CA12: variants seen among roughly 807,000 people sequenced by gnomAD.
The protein encoded by CA12 is carbonate dehydratase XII.
A neutral mutation model predicts 46.8 loss-of-function variants in CA12; 36 were observed. The observed-to-expected ratio is 0.77, with a 90% CI of 0.59 to 1.02. The LOEUF (loss-of-function observed/expected upper bound fraction) is 1.02, where lower values mean the gene tolerates loss of function less well. CA12 is among the 50% of genes least tolerant of loss of function. The pLI, the probability that CA12 is intolerant of heterozygous loss-of-function variation, is 0.00. For synonymous variants in CA12, 202 were observed against 187.0 expected (o/e 1.08, Z -0.65); for missense variants, 436 against 451.4 (o/e 0.97, Z 0.31).
chr15:63,339,361 A>C lies in CA12; in HGVS notation c.748-416T>G, dbSNP rs2039045997. On this transcript the variant is annotated intron_variant, in intron 7 of 10. Transcript: ENST00000178638. This position sits in a 1 kb window ranked among gnomAD's most constrained non-coding sequence, Gnocchi z 4.3. ...TGTTCTGATGGTCATATCAGAAGGA[A>C]TAAAGGAGGGAGTTAAGAGTTTCAC... 6.6e-6 allele frequency among the ~76,000 whole-genome samples: 1 copy of C among 152,158 alleles called. No individual in the cohort carries two copies. The highest frequency in any genetic ancestry group is 1.5e-5 in the Non-Finnish European group (1 of 68,030).
intron 2 of CA12, among the ~76,000 whole-genome samples, chr15:63,369,405 G>T (rs2039473472): frequency 6.6e-6 from 1 of 152,214 alleles, no homozygotes; most frequent in Admixed American, 6.5e-5. Context: ...CTTTGTATGT[G>T]CTAGGCCCTG....
At chr15:63,368,062 G>A (rs2039457723) in intron 2 of CA12, among the ~76,000 whole-genome samples, 1 of 152,186 alleles carries the variant, frequency 6.6e-6, no homozygotes, top group African/African-American at 2.4e-5. Context: ...ACTGTTTTCA[G>A]TATTGTTGAA....
At chr15:63,332,346 C>G (rs967979177) in intron 8 of CA12, among the ~76,000 whole-genome samples, 1 of 152,192 alleles carries the variant, frequency 6.6e-6, no homozygotes, top group Non-Finnish European at 1.5e-5. Flanking sequence ...AATCTGCCAA[C>G]AAGATAGTAC....
intron 4 of CA12, among the ~76,000 whole-genome samples, chr15:63,343,994 T>A (rs968250425): frequency 6.6e-6 from 1 of 152,234 alleles, no homozygotes; most frequent in African/African-American, 2.4e-5. Flanking sequence ...ACAGTTCTGT[T>A]GAATTTCACC....
chr15:63,375,472 T>C, intron 2 of CA12, 186 bp downstream of exon 2: 1 of 557,494 alleles, frequency 1.8e-6, no homozygotes, highest in East Asian at 3.1e-5. Context: ...TTGGAGAAAG[T>C]GCAGTATGCA....
chr15:63,349,254 T>C (rs534670575), intron 2 of CA12, among the ~76,000 whole-genome samples: 1 of 152,332 alleles, frequency 6.6e-6, no homozygotes, highest in Non-Finnish European at 1.5e-5. Flanking sequence ...ATACTAGGAC[T>C]AAGCACCTTC....
At chr15:63,337,801 T>A (rs2039022518) in intron 8 of CA12, among the ~76,000 whole-genome samples, 1 of 152,202 alleles carries the variant, frequency 6.6e-6, no homozygotes, top group African/African-American at 2.4e-5. Flanking sequence ...GGACTTGAAC[T>A]CCTGACCTCA....
intron 2 of CA12, among the ~76,000 whole-genome samples, chr15:63,364,009 G>A (rs2039400965): frequency 6.6e-6 from 1 of 152,052 alleles, no homozygotes; most frequent in African/African-American, 2.4e-5. Flanking sequence ...CCAACATGGA[G>A]AAACCCCATC....
In CA12 at chr15:63,372,438, G is replaced by T. The variant is rs1825567693; in HGVS notation, c.106+3220C>A. Among the ~76,000 whole-genome samples the T allele has an allele frequency of 6.6e-6, 1 of 152,178 alleles. No individual in the cohort carries two copies. Among genetic ancestry groups the T allele is most frequent in the African/African-American group, 2.4e-5 (1 of 41,442 alleles). The stretch of plus-strand genomic sequence containing the variant: ...GAGGAGCCATCCATGCAGTCAGCCT[G>T]GTGACTCAGCTATGAGGATGTAGGG... On this transcript the variant is annotated intron_variant, in intron 2 of 10. Coordinates refer to ENST00000178638, the MANE Select transcript of CA12 (RefSeq NM_001218.5). This position sits in a 1 kb window ranked among gnomAD's most constrained non-coding sequence, Gnocchi z 4.5.
Position 63,326,050 on chromosome 15 carries a change from A to AG in CA12, c.*234dup. 1.8e-6 allele frequency: 1 copy of AG among 552,552 alleles called. No individual in the cohort carries two copies. Among genetic ancestry groups the AG allele is most frequent in the East Asian group, 3.1e-5 (1 of 32,058 alleles). The allele number at this position is 552,552 out of a possible 1,614,324, so 34.2% of individuals were successfully genotyped here. A position where few individuals can be genotyped will look rare whatever the true frequency, so the allele number is the denominator to read the frequency against. On this transcript the variant is annotated 3_prime_UTR_variant, in exon 11 of 11. Transcript: ENST00000178638. Reference sequence around the variant, plus strand: ...ACAATCTCACACAGTTACAGCAAGCAGCTTTGAATTCCTGCTGCTTGGTCT... The same window carrying AG: ...ACAATCTCACACAGTTACAGCAAGCAGGCTTTGAATTCCTGCTGCTTGGTCT...
At chr15:63,363,963 G>A (rs971084484) in intron 2 of CA12, among the ~76,000 whole-genome samples, 2 of 151,566 alleles carry the variant, frequency 1.3e-5, no homozygotes, top group African/African-American at 2.4e-5. Flanking sequence ...CGAGGAGGGC[G>A]GATCACCTGA....
chr15:63,343,780 C>G (rs1318943461), intron 4 of CA12, among the ~76,000 whole-genome samples: 1 of 151,626 alleles, frequency 6.6e-6, no homozygotes, highest in Admixed American at 6.6e-5. Flanking sequence ...ACACATAAAC[C>G]CTGCCAATCT....
At chr15:63,336,822 C>G (rs1366379057) in intron 8 of CA12, among the ~76,000 whole-genome samples, 1 of 152,078 alleles carries the variant, frequency 6.6e-6, no homozygotes, top group African/African-American at 2.4e-5. Flanking sequence ...ATGTGCCACC[C>G]CTTCCCTGGG....
intron 2 of CA12, among the ~76,000 whole-genome samples, chr15:63,365,034 A>G (rs933039021): frequency 1.3e-5 from 2 of 152,144 alleles, no homozygotes; most frequent in African/African-American, 4.8e-5. Flanking sequence ...TGCAGCCTCA[A>G]CCTCCTAGAC....
chr15:63,347,727 G>A (rs978246957), intron 2 of CA12, among the ~76,000 whole-genome samples: 1 of 152,158 alleles, frequency 6.6e-6, no homozygotes, highest in Non-Finnish European at 1.5e-5. Flanking sequence ...AGACTTTCAG[G>A]CCAAGGTTTC....
chr15:63,349,536 C>T (rs1401049539), intron 2 of CA12, among the ~76,000 whole-genome samples: 1 of 152,134 alleles, frequency 6.6e-6, no homozygotes, highest in East Asian at 1.9e-4. Context: ...CCTCCTCCTC[C>T]TCCTCATTGT....
At chr15:63,368,643 C>A (rs7174618) in intron 2 of CA12, among the ~76,000 whole-genome samples, 3,449 of 152,300 alleles carry the variant, frequency 0.023, 127 homozygotes, top group African/African-American at 0.076. Context: ...AGAAGCCATG[C>A]CCTGCCCTCA....
chr15:63,324,015 G>T lies in CA12; in HGVS notation c.*2270C>A, dbSNP rs2152607877. On this transcript the variant is annotated 3_prime_UTR_variant, in exon 11 of 11. Coordinates refer to ENST00000178638, the MANE Select transcript of CA12 (RefSeq NM_001218.5). Reference sequence around the variant, plus strand: ...CGGCTGCTGAGACTCACACACCACAGTACTGGCATCCTTCAGGGGCAGCTG... The same window carrying T: ...CGGCTGCTGAGACTCACACACCACATTACTGGCATCCTTCAGGGGCAGCTG... The T allele has an allele frequency of 6.6e-6, 1 of 152,422 alleles. No individual in the cohort carries two copies. The highest frequency in any genetic ancestry group is 1.9e-4 in the East Asian group (1 of 5,184). 9.4% of individuals were successfully genotyped at this position (152,422 alleles called of 1,614,324 possible).
rs1270516164 is a variant in CA12, at chr15:63,346,558, C to A, written c.258G>T (p.Gln86His). The change falls in exon 3 of 11, where the codon CAG (glutamine) becomes CAT (histidine). Residue 86 changes from glutamine to histidine, a missense_variant. Physicochemically the swap from Gln to His is conservative, Grantham distance 24. Coordinates refer to ENST00000178638, the MANE Select transcript of CA12 (RefSeq NM_001218.5). ...AATGGCCATTGTTGGTCAGGAGAAA[C>A]TGCTTGTTGGCAGACAGATTGTAGC... ...FQGYNLSANK[Q>H]FLLTNNGHSV... The A allele has an allele frequency of 1.2e-6, 2 of 1,614,072 alleles. No individual in the cohort carries two copies. Among genetic ancestry groups the A allele is most frequent in the Admixed American group, 1.7e-5 (1 of 60,022 alleles).
Sources: gnomAD v4.1 joint callset for allele counts (sites outside exome capture counted in the v4.1 genomes callset) on GRCh38, gnomAD v4.1.1 for gene constraint, Gnocchi (gnomAD v3.1) non-coding constraint, MANE v1.5 for transcripts, NCBI Gene and HGNC (gene_info 2026-07-23, HGNC 2026-07-21) for gene names.